TSHZ1: variants seen among roughly 807,000 people sequenced by gnomAD.
The protein encoded by TSHZ1 is teashirt homolog 1.
Under a neutral mutation model 67.1 loss-of-function variants are expected in TSHZ1, and 12 were observed. The observed-to-expected ratio is 0.18, with a 90% CI of 0.11 to 0.29. The LOEUF is 0.29. TSHZ1 is among the 10% of genes least tolerant of loss of function. The probability of loss-of-function intolerance (pLI) is 1.00; values close to 1 mark genes in which losing one functional copy is unlikely to be tolerated. For synonymous variants in TSHZ1, 632 were observed against 622.4 expected (o/e 1.02, Z -0.23); for missense variants, 1,305 against 1,413.9 (o/e 0.92, Z 1.23).
intron 1 of TSHZ1, among the ~76,000 whole-genome samples, chr18:75,275,721 G>C (rs956679191): frequency 1.3e-5 from 2 of 152,138 alleles, no homozygotes; most frequent in African/African-American, 4.8e-5. Context: ...CCCCAGACGT[G>C]GGGGTAAAAA....
In TSHZ1 at chr18:75,210,901, G is replaced by A. The variant is rs1435623282; in HGVS notation, c.-976G>A. ...CCCTCTCTCCCAGGAGTTTGAGGGG[G>A]GGGGGGACAGTCCACGCTCATCTCG... is the stretch of plus-strand genomic sequence containing the variant. On this transcript the variant is annotated 5_prime_UTR_variant, in exon 1 of 2. Coordinates refer to ENST00000580243, the MANE Select transcript of TSHZ1 (RefSeq NM_001308210.2). 2 of 151,134 alleles carry A rather than the reference G, an allele frequency of 1.3e-5. No homozygotes were observed. The highest frequency in any genetic ancestry group is 2.9e-5 in the Non-Finnish European group (2 of 67,820). 9.4% of individuals were successfully genotyped at this position (151,134 alleles called of 1,614,324 possible).
At chr18:75,250,832 C>T (rs1263201320) in intron 1 of TSHZ1, among the ~76,000 whole-genome samples, 1 of 152,172 alleles carries the variant, frequency 6.6e-6, no homozygotes, top group Non-Finnish European at 1.5e-5. Context: ...GGATTCGATT[C>T]CTTCGGTGCC....
intron 1 of TSHZ1, among the ~76,000 whole-genome samples, chr18:75,250,517 C>G (rs920964021): frequency 6.6e-6 from 1 of 152,214 alleles, no homozygotes; most frequent in African/African-American, 2.4e-5. Flanking sequence ...GCGGTGCGGG[C>G]TGGCCCAGGG....
intron 1 of TSHZ1, among the ~76,000 whole-genome samples, chr18:75,277,465 G>A (rs1184792577): frequency 2.0e-5 from 3 of 152,280 alleles, no homozygotes; most frequent in South Asian, 4.1e-4. Flanking sequence ...CTGTGTGGCT[G>A]TGTGTGGACT....
intron 1 of TSHZ1, among the ~76,000 whole-genome samples, chr18:75,259,588 T>G (rs2023405415): frequency 6.6e-6 from 1 of 152,196 alleles, no homozygotes; most frequent in East Asian, 1.9e-4. Context: ...GAGTACAGTG[T>G]GATAGTTTGA....
chr18:75,227,455 A>G (rs1599028344), intron 1 of TSHZ1, among the ~76,000 whole-genome samples: 2 of 152,218 alleles, frequency 1.3e-5, no homozygotes, highest in East Asian at 1.9e-4. Context: ...CAGATTGTTT[A>G]CTTTTTATAT....
At chr18:75,233,663 AC>A (rs1277770982) in intron 1 of TSHZ1, among the ~76,000 whole-genome samples, 1 of 152,156 alleles carries the variant, frequency 6.6e-6, no homozygotes, top group Non-Finnish European at 1.5e-5. Context: ...CGTTTACAGA[AC>A]CCTGAAAGAG....
chr18:75,288,713 C>T lies in TSHZ1; in HGVS notation c.*72C>T. 2.6e-6 allele frequency: 4 copies of T among 1,510,336 alleles called. No homozygotes were observed. Among genetic ancestry groups the T allele is most frequent in the Admixed American group, 2.3e-5 (1 of 43,022 alleles). The allele number at this position is 1,510,336 out of a possible 1,614,324, so 93.6% of individuals were successfully genotyped here. On this transcript the variant is annotated 3_prime_UTR_variant, in exon 2 of 2. Coordinates refer to ENST00000580243, the MANE Select transcript of TSHZ1 (RefSeq NM_001308210.2). The surrounding 1 kb of genome is among the most constrained non-coding windows in gnomAD (Gnocchi z 4.9). ...GAGCTGCACTAGGCCTGGCCTGAGC[C>T]TCTGAAATCAGTCTTTCCTTTGTTG...
chr18:75,280,893 G>A (rs537719399), intron 1 of TSHZ1: 2 of 922,896 alleles, frequency 2.2e-6, no homozygotes, highest in East Asian at 1.2e-4. Context: ...TGACCTTTGA[G>A]CCTCCCTGGA....
chr18:75,283,822 A>T (rs1423797097), intron 1 of TSHZ1: 1 of 152,240 alleles, frequency 6.6e-6, no homozygotes, highest in Non-Finnish European at 1.5e-5. Flanking sequence ...TGAGGCTCTC[A>T]CACTGCTCCC....
intron 1 of TSHZ1, among the ~76,000 whole-genome samples, chr18:75,224,502 T>A (rs1599026753): frequency 6.6e-6 from 1 of 152,178 alleles, no homozygotes; most frequent in East Asian, 1.9e-4. Context: ...CTATCTGAAT[T>A]TTTTATGGAC....
chr18:75,237,788 T>TTTTA (rs1290756952), intron 1 of TSHZ1, among the ~76,000 whole-genome samples: 1,337 of 87,788 alleles, frequency 0.015, 23 homozygotes, highest in African/African-American at 0.043. Flanking sequence ...GCCTTCTTTC[T>TTTTA]TTCATTTATT....
chr18:75,251,842 T>C (rs2023308062), intron 1 of TSHZ1, among the ~76,000 whole-genome samples: 1 of 152,262 alleles, frequency 6.6e-6, no homozygotes, highest in Non-Finnish European at 1.5e-5. Context: ...AAAGCTGGAA[T>C]AAAGGTGTTA....
At chr18:75,216,353 G>A (rs1229899043) in intron 1 of TSHZ1, among the ~76,000 whole-genome samples, 7 of 152,144 alleles carry the variant, frequency 4.6e-5, no homozygotes, top group Non-Finnish European at 7.4e-5. Context: ...GTGATATTGT[G>A]TATTTCCTGT....
chr18:75,268,206 G>A lies in TSHZ1; in HGVS notation c.41-17242G>A, dbSNP rs117973968. Among the ~76,000 whole-genome samples the A allele has an allele frequency of 3.1e-4, 47 of 152,216 alleles. 1 individual carries two copies. The East Asian group carries it at 8.1e-3, about 26-fold the overall frequency. On this transcript the variant is annotated intron_variant, in intron 1 of 1. Coordinates refer to ENST00000580243, the MANE Select transcript of TSHZ1 (RefSeq NM_001308210.2). ...CCTCCTTCCTCTTCATTTTCCAATG[G>A]GCAGATTTTCCCAGGAAGGAGAGTT... is the stretch of plus-strand genomic sequence containing the variant.
At chr18:75,228,980 G>A (rs988051368) in intron 1 of TSHZ1, among the ~76,000 whole-genome samples, 12 of 152,390 alleles carry the variant, frequency 7.9e-5, no homozygotes, top group East Asian at 1.9e-4. Context: ...CCCCTAAGGC[G>A]TTTTATTTGT....
rs4891255 is a variant in TSHZ1, at chr18:75,281,179, T to C, written c.41-4269T>C. Among the ~76,000 whole-genome samples, 47,598 of 152,008 alleles carry C rather than the reference T, an allele frequency of 0.31. 7,733 individuals carry two copies. Among genetic ancestry groups the C allele is most frequent in the Middle Eastern group, 0.39 (115 of 294 alleles). ...GGACCAGGAGTGGAGCGAGGTCATC[T>C]GGGGACGTTGGAAGGCTCTGGCCAC... On this transcript the variant is annotated intron_variant, in intron 1 of 1. Coordinates refer to ENST00000580243, the MANE Select transcript of TSHZ1 (RefSeq NM_001308210.2). This position sits in a 1 kb window ranked among gnomAD's most constrained non-coding sequence, Gnocchi z 5.3.
intron 1 of TSHZ1, among the ~76,000 whole-genome samples, chr18:75,246,533 T>C (rs1915761231): frequency 6.6e-6 from 1 of 151,694 alleles, no homozygotes; most frequent in African/African-American, 2.4e-5. Flanking sequence ...CTTGATTGCC[T>C]GCAAGCTCAC....
chr18:75,255,494 G>A (rs2023352134), intron 1 of TSHZ1, among the ~76,000 whole-genome samples: 1 of 151,812 alleles, frequency 6.6e-6, no homozygotes, highest in Non-Finnish European at 1.5e-5. Flanking sequence ...ACATAGCTGG[G>A]GATATTTTAC....
Sources: gnomAD v4.1 joint callset for allele counts (sites outside exome capture counted in the v4.1 genomes callset) on GRCh38, gnomAD v4.1.1 for gene constraint, Gnocchi (gnomAD v3.1) non-coding constraint, MANE v1.5 for transcripts, NCBI Gene and HGNC (gene_info 2026-07-23, HGNC 2026-07-21) for gene names.